Variants in CCNY observed in about 807,000 individuals in gnomAD.
CCNY encodes cyclin Y.
Under a neutral mutation model 42.8 loss-of-function variants are expected in CCNY, and 19 were observed. The ratio of observed to expected loss-of-function variants is 0.44; its 90% CI spans 0.31 to 0.65. CCNY has a LOEUF of 0.65. CCNY is among the 30% of genes least tolerant of loss of function. CCNY has a pLI of 0.07. For synonymous variants in CCNY, 165 were observed against 162.7 expected (o/e 1.01, Z -0.11); for missense variants, 370 against 437.3 (o/e 0.85, Z 1.37).
At chr10:35,389,687 T>C (rs980967763) in intron 1 of CCNY, among the ~76,000 whole-genome samples, 1 of 152,146 alleles carries the variant, frequency 6.6e-6, no homozygotes, top group Non-Finnish European at 1.5e-5. Flanking sequence ...TCCGCCCACC[T>C]TGGCCTCCCA....
At chr10:35,307,689 T>A (rs148284098) in intron 3 of CCNY, among the ~76,000 whole-genome samples, 1 of 151,312 alleles carries the variant, frequency 6.6e-6, no homozygotes, top group Admixed American at 6.6e-5. Context: ...TACGTGTATA[T>A]CTACACGTGT....
intron 1 of CCNY, among the ~76,000 whole-genome samples, chr10:35,412,970 G>T (rs374622866): frequency 1.3e-4 from 20 of 151,814 alleles, no homozygotes; most frequent in Non-Finnish European, 2.4e-4. Context: ...TGGAAATAGT[G>T]GACTGCTTCC....
At chr10:35,267,083 CAAAAA>C (rs34140857) in intron 3 of CCNY, among the ~76,000 whole-genome samples, 1 of 106,658 alleles carries the variant, frequency 9.4e-6, no homozygotes. Flanking sequence ...ACTTCTGTCT[CAAAAA>C]AAAAAAAAAA....
rs1245920866 is a variant in CCNY, at chr10:35,389,670, CT to C, written c.154+52465del. Among the ~76,000 whole-genome samples, 9 of 152,212 alleles carry C rather than the reference CT, an allele frequency of 5.9e-5. No homozygotes were observed. In the East Asian group the frequency reaches 1.7e-3, roughly 29 times the overall value. On this transcript the variant is annotated intron_variant, in intron 1 of 9. Transcript: ENST00000374704. ...GCAAGGCTGGTCTTGAACCCCTGAC[CT>C]TGTGATCCGCCCACCTTGGCCTCCC...
At chr10:35,518,840 G>C (rs1438632261) in intron 4 of CCNY, among the ~76,000 whole-genome samples, 5 of 124,682 alleles carry the variant, frequency 4.0e-5, no homozygotes, top group Non-Finnish European at 6.7e-5. Context: ...ATCTGGCTGA[G>C]GTATGCTGTG....
chr10:35,547,375 G>GGACC (rs1841138280), intron 7 of CCNY, among the ~76,000 whole-genome samples: 1 of 152,084 alleles, frequency 6.6e-6, no homozygotes, highest in African/African-American at 2.4e-5. Flanking sequence ...GTTGAGTGAA[G>GGACC]GACCCTTGGA....
intron 3 of CCNY, among the ~76,000 whole-genome samples, chr10:35,503,625 A>T (rs1455746487): frequency 2.0e-5 from 3 of 152,244 alleles, no homozygotes; most frequent in Admixed American, 2.0e-4. Flanking sequence ...AATCGGTCCC[A>T]TCTGCTGAGT....
At chr10:35,323,636 C>T (rs945667067) in intron 3 of CCNY, among the ~76,000 whole-genome samples, 5 of 152,126 alleles carry the variant, frequency 3.3e-5, no homozygotes, top group African/African-American at 7.2e-5. Flanking sequence ...GGACCAGGGA[C>T]GAGTACCAGG....
At chr10:35,522,875 C>T (rs1840577371) in intron 4 of CCNY, among the ~76,000 whole-genome samples, 1 of 152,204 alleles carries the variant, frequency 6.6e-6, no homozygotes, top group South Asian at 2.1e-4. Flanking sequence ...ACATGTTTGC[C>T]TTCACCGGTG....
intron 3 of CCNY, among the ~76,000 whole-genome samples, chr10:35,277,598 G>C (rs1237634025): frequency 6.6e-6 from 1 of 152,166 alleles, no homozygotes; most frequent in Non-Finnish European, 1.5e-5. Context: ...GCCTGTCGCT[G>C]TTTCTTCTCT....
At chr10:35,436,170 G>A (rs1000049592) in intron 1 of CCNY, among the ~76,000 whole-genome samples, 2 of 152,152 alleles carry the variant, frequency 1.3e-5, no homozygotes, top group African/African-American at 4.8e-5. Flanking sequence ...AAGCCCAGGA[G>A]TGACTTGTGG....
chr10:35,288,348 T>C (rs1015774797), intron 3 of CCNY, among the ~76,000 whole-genome samples: 1 of 152,220 alleles, frequency 6.6e-6, no homozygotes, highest in African/African-American at 2.4e-5. Flanking sequence ...ATTTGTATTA[T>C]TGGGTAATTG....
intron 3 of CCNY, among the ~76,000 whole-genome samples, chr10:35,505,998 T>C (rs1272878813): frequency 6.6e-6 from 1 of 152,222 alleles, no homozygotes; most frequent in Non-Finnish European, 1.5e-5. Flanking sequence ...ATTCTGGTTA[T>C]AGGCTTCATC....
At chr10:35,454,994 A>G (rs953090778) in intron 1 of CCNY, among the ~76,000 whole-genome samples, 1 of 152,218 alleles carries the variant, frequency 6.6e-6, no homozygotes, top group Non-Finnish European at 1.5e-5. Flanking sequence ...CTTCCATTCC[A>G]TACAATAACC....
chr10:35,255,947 GTCTT>G (rs1295938157), intron 3 of CCNY, among the ~76,000 whole-genome samples: 1 of 152,076 alleles, frequency 6.6e-6, no homozygotes, highest in East Asian at 1.9e-4. Flanking sequence ...AATCTATAAT[GTCTT>G]TCTTTGTCAA....
At chr10:35,338,677 C>T (rs375499673) in intron 1 of CCNY, among the ~76,000 whole-genome samples, 35 of 152,282 alleles carry the variant, frequency 2.3e-4, no homozygotes, top group African/African-American at 7.9e-4. Context: ...AGCCATTACC[C>T]AGTCCTATAC....
chr10:35,462,380 C>G (rs553580430), intron 1 of CCNY, among the ~76,000 whole-genome samples: 4 of 152,296 alleles, frequency 2.6e-5, no homozygotes, highest in South Asian at 4.1e-4. Context: ...CTTGAGATTT[C>G]CTGCACTTAG....
rs79662233 is a variant in CCNY, at chr10:35,510,920, A to C, written c.265-5603A>C. ...CATTTACACAACTCGTCAGTGGCAG[A>C]GCTGCAGCCAAGCACTGGGCTTTCT... On this transcript the variant is annotated intron_variant, in intron 3 of 9. Coordinates refer to ENST00000374704, the MANE Select transcript of CCNY (RefSeq NM_145012.6). 1.1e-3 allele frequency among the ~76,000 whole-genome samples: 164 copies of C among 152,336 alleles called. 1 individual carries two copies. Among genetic ancestry groups the C allele is most frequent in the East Asian group, 9.4e-3 (49 of 5,186 alleles).
chr10:35,426,971 AC>A (rs1838286758), intron 1 of CCNY, among the ~76,000 whole-genome samples: 1 of 152,250 alleles, frequency 6.6e-6, no homozygotes, highest in African/African-American at 2.4e-5. Flanking sequence ...GTCTTGGTCC[AC>A]AGGGTTGGAA....
Sources: allele counts gnomAD v4.1 joint callset (sites outside exome capture counted in the v4.1 genomes callset), GRCh38; gene constraint gnomAD v4.1.1; transcripts MANE v1.5; gene names NCBI Gene and HGNC (gene_info 2026-07-23, HGNC 2026-07-21).